The following PSD3 variants were observed in gnomAD, a reference collection of about 807,000 sequenced individuals.
PSD3 encodes PH and SEC7 domain-containing protein 3.
PSD3 carries 49 observed loss-of-function variants against 105.5 expected under a neutral mutation model. The observed-to-expected ratio is 0.46, with a 90% confidence interval of 0.37 to 0.59. The LOEUF is 0.59. Ranked by LOEUF, PSD3 falls within the 20% of genes least tolerant of loss-of-function variation. PSD3 has a pLI of 0.00. For missense variants in PSD3, 1,561 were observed against 1,263.8 expected (o/e 1.24, Z -3.57); for synonymous variants, 557 against 457.8 (o/e 1.22, Z -2.77).
chr8:18,666,688 A>G (rs888078897), intron 9 of PSD3, among the ~76,000 whole-genome samples: 7 of 145,850 alleles, frequency 4.8e-5, no homozygotes, highest in Non-Finnish European at 1.1e-4. Flanking sequence ...CCTGATTTCA[A>G]CCAAGTGGGA....
Position 18,920,520 on chromosome 8 carries a change from C to G in PSD3, c.130+15514G>C, listed in dbSNP as rs117375758. On this transcript the variant is annotated intron_variant, in intron 2 of 15. Coordinates refer to ENST00000327040, the MANE Select transcript of PSD3 (RefSeq NM_015310.4). The stretch of plus-strand genomic sequence containing the variant: ...TGTGATACTTTGAAATAGTAAACAA[C>G]TTTTAGTAAATTTGCAAACAAAACA... Among the ~76,000 whole-genome samples the G allele has an allele frequency of 3.0e-4, 46 of 152,272 alleles. No homozygotes were observed. The East Asian group carries it at 8.1e-3, about 27-fold the overall frequency.
intron 9 of PSD3, among the ~76,000 whole-genome samples, chr8:18,666,261 G>C (rs533566561): frequency 6.6e-6 from 1 of 152,292 alleles, no homozygotes; most frequent in South Asian, 2.1e-4. Flanking sequence ...ATGTTGGCCA[G>C]GCTGGTCTTG....
intron 14 of PSD3, among the ~76,000 whole-genome samples, chr8:18,566,525 CAAAAAAAA>C (rs372562835): frequency 7.7e-6 from 1 of 130,678 alleles, no homozygotes; most frequent in Non-Finnish European, 1.6e-5. Context: ...GACTCTGTCT[CAAAAAAAA>C]AAAAAAAAAA....
chr8:18,990,411 G>A (rs991905266), intron 1 of PSD3, among the ~76,000 whole-genome samples: 4 of 152,278 alleles, frequency 2.6e-5, no homozygotes, highest in Non-Finnish European at 5.9e-5. Flanking sequence ...CATATGCGAC[G>A]CTCTTTTCTG....
At chr8:18,627,083 C>T (rs1014279061) in intron 11 of PSD3, among the ~76,000 whole-genome samples, 4 of 151,974 alleles carry the variant, frequency 2.6e-5, no homozygotes, top group Non-Finnish European at 5.9e-5. Context: ...GTATATAAAA[C>T]AAAACTTTTT....
At chr8:18,575,452 T>G (rs1802410229) in intron 12 of PSD3, among the ~76,000 whole-genome samples, 167 bp from the exon 13 acceptor site, 1 of 152,184 alleles carries the variant, frequency 6.6e-6, no homozygotes, top group South Asian at 2.1e-4. Context: ...TACAGAACAT[T>G]ATGTTGTTTG....
At chr8:18,541,266 G>T (rs1800136156) in intron 15 of PSD3, among the ~76,000 whole-genome samples, 1 of 150,806 alleles carries the variant, frequency 6.6e-6, no homozygotes, top group Non-Finnish European at 1.5e-5. Flanking sequence ...CCAGGGCCAA[G>T]AACACACAGT....
chr8:19,004,666 C>T (rs1826566437), intron 1 of PSD3, among the ~76,000 whole-genome samples: 1 of 152,008 alleles, frequency 6.6e-6, no homozygotes, highest in Non-Finnish European at 1.5e-5. Context: ...TACAGATGGC[C>T]AATGATATGG....
At chr8:18,993,186 G>A (rs1825896906) in intron 1 of PSD3, among the ~76,000 whole-genome samples, 1 of 152,070 alleles carries the variant, frequency 6.6e-6, no homozygotes, top group Admixed American at 6.6e-5. Flanking sequence ...TACTCCTTTT[G>A]CCAGAGTCAG....
intron 9 of PSD3, among the ~76,000 whole-genome samples, chr8:18,723,041 C>T (rs1013746201): frequency 6.6e-6 from 1 of 152,144 alleles, no homozygotes; most frequent in Admixed American, 6.6e-5. Flanking sequence ...ATAATACTGG[C>T]ATGCAAATGG....
At chr8:19,068,567 A>T (rs1437180718) in intron 1 of PSD3, among the ~76,000 whole-genome samples, 1 of 152,158 alleles carries the variant, frequency 6.6e-6, no homozygotes, top group Non-Finnish European at 1.5e-5. Context: ...CTGGGATTAC[A>T]TGCGTGAGCC....
intron 2 of PSD3, among the ~76,000 whole-genome samples, chr8:18,911,956 A>T (rs1393890530): frequency 6.6e-6 from 1 of 152,216 alleles, no homozygotes; most frequent in African/African-American, 2.4e-5. Flanking sequence ...ATCCGTCCAC[A>T]AACAGCCAAG....
At chr8:18,981,333 G>A (rs1825242992) in intron 1 of PSD3, among the ~76,000 whole-genome samples, 1 of 152,170 alleles carries the variant, frequency 6.6e-6, no homozygotes, top group Non-Finnish European at 1.5e-5. Flanking sequence ...CATTATTGAA[G>A]CAGAAAGACT....
At chr8:18,587,246 C>T (rs909026587) in intron 12 of PSD3, among the ~76,000 whole-genome samples, 2 of 152,160 alleles carry the variant, frequency 1.3e-5, no homozygotes, top group African/African-American at 4.8e-5. Flanking sequence ...ATGGGGGACA[C>T]TATGCCACCT....
intron 1 of PSD3, among the ~76,000 whole-genome samples, chr8:18,937,299 G>A (rs148204671): frequency 3.9e-5 from 6 of 152,264 alleles, no homozygotes; most frequent in South Asian, 4.1e-4. Flanking sequence ...AGATATCACC[G>A]GTACTGGTTT....
chr8:18,704,484 C>T (rs534695761), intron 9 of PSD3, among the ~76,000 whole-genome samples: 28 of 152,122 alleles, frequency 1.8e-4, no homozygotes, highest in African/African-American at 2.7e-4. Context: ...ATTACAGGGA[C>T]GTGCCACCAC....
intron 1 of PSD3, among the ~76,000 whole-genome samples, chr8:19,071,743 G>A (rs376138930): frequency 9.2e-5 from 14 of 151,896 alleles, no homozygotes; most frequent in African/African-American, 3.1e-4. Context: ...TTTTTGAGAC[G>A]GAGTTTCACT....
At chr8:18,596,081 T>C (rs1377790891) in intron 12 of PSD3, among the ~76,000 whole-genome samples, 2 of 151,018 alleles carry the variant, frequency 1.3e-5, no homozygotes, top group African/African-American at 4.9e-5. Context: ...GAAAGGGAAG[T>C]AGAAATTAAA....
intron 9 of PSD3, among the ~76,000 whole-genome samples, chr8:18,684,531 C>T (rs1034295018): frequency 6.6e-6 from 1 of 152,172 alleles, no homozygotes; most frequent in Non-Finnish European, 1.5e-5. Flanking sequence ...GACACAAAGG[C>T]ATCTCAATGA....
Sources: gnomAD v4.1 joint callset for allele counts (sites outside exome capture counted in the v4.1 genomes callset) on GRCh38, gnomAD v4.1.1 for gene constraint, MANE v1.5 for transcripts, NCBI Gene and HGNC (gene_info 2026-07-23, HGNC 2026-07-21) for gene names.